Variants in MED12L observed in about 807,000 individuals in gnomAD.
MED12L encodes the protein mediator complex subunit 12L.
MED12L carries 60 observed loss-of-function variants against 281.3 expected under a neutral mutation model. The ratio of observed to expected loss-of-function variants is 0.21; its 90% confidence interval spans 0.17 to 0.26. MED12L has a LOEUF of 0.26. MED12L is among the 10% of genes least tolerant of loss of function. The probability of loss-of-function intolerance (pLI) is 1.00; values close to 1 mark genes in which losing one functional copy is unlikely to be tolerated. For missense variants in MED12L, 2,146 were observed against 2,680.9 expected, an observed-to-expected ratio of 0.80 and a Z score of 4.41; for synonymous variants, 974 against 987.2, an observed-to-expected ratio of 0.99 and a Z score of 0.25.
At chr3:151,334,802 C>G (rs552270808) in intron 16 of MED12L, among the ~76,000 whole-genome samples, 1 of 152,088 alleles carries the variant, frequency 6.6e-6, no homozygotes, top group Non-Finnish European at 1.5e-5. Context: ...ACCAGGTCCC[C>G]CAGTCTTCTT....
intron 39 of MED12L, among the ~76,000 whole-genome samples, chr3:151,400,523 G>GT (rs1288403656): frequency 6.6e-6 from 1 of 152,144 alleles, no homozygotes; most frequent in Non-Finnish European, 1.5e-5. Flanking sequence ...GTAGCGACTT[G>GT]TAAAGAGGTT....
chr3:151,244,915 A>C (rs1319708321), intron 16 of MED12L, among the ~76,000 whole-genome samples: 1 of 152,186 alleles, frequency 6.6e-6, no homozygotes, highest in Non-Finnish European at 1.5e-5. Flanking sequence ...TAATAGACCC[A>C]ATAAAAAATG....
At chr3:151,321,406 G>T (rs546655793) in intron 16 of MED12L, among the ~76,000 whole-genome samples, 19 of 152,124 alleles carry the variant, frequency 1.2e-4, no homozygotes, top group African/African-American at 4.6e-4. Context: ...GGCATTTTTG[G>T]ACTTAGGAAA....
At chr3:151,249,832 A>C (rs1227906791) in intron 16 of MED12L, among the ~76,000 whole-genome samples, 1 of 152,184 alleles carries the variant, frequency 6.6e-6, no homozygotes, top group Non-Finnish European at 1.5e-5. Flanking sequence ...GGATTAATAC[A>C]GTCATAATAC....
chr3:151,293,516 CT>C (rs1470485536), intron 16 of MED12L, among the ~76,000 whole-genome samples: 1 of 150,830 alleles, frequency 6.6e-6, no homozygotes, highest in Non-Finnish European at 1.5e-5. Context: ...TTCCTACTTG[CT>C]TTTGGAGCCC....
intron 16 of MED12L, among the ~76,000 whole-genome samples, chr3:151,310,726 C>T (rs770487022): frequency 2.0e-5 from 3 of 152,108 alleles, no homozygotes; most frequent in Non-Finnish European, 2.9e-5. Flanking sequence ...AATTTAAGTT[C>T]ATTTGAATTA....
At chr3:151,166,565 G>C (rs1389784204) in intron 11 of MED12L, among the ~76,000 whole-genome samples, 1 of 152,222 alleles carries the variant, frequency 6.6e-6, no homozygotes, top group Admixed American at 6.5e-5. Context: ...TATGGGGCTG[G>C]CAAATTTGAG....
At chr3:151,135,676 T>C (rs1369504844) in intron 5 of MED12L, among the ~76,000 whole-genome samples, 2 of 152,134 alleles carry the variant, frequency 1.3e-5, no homozygotes, top group Non-Finnish European at 2.9e-5. Context: ...CTGTGTGTGG[T>C]GTGGGTCTGG....
chr3:151,320,649 C>T (rs1457192892), intron 16 of MED12L, among the ~76,000 whole-genome samples: 1 of 152,136 alleles, frequency 6.6e-6, no homozygotes, highest in Non-Finnish European at 1.5e-5. Context: ...GGTATGAGAA[C>T]TTCATTTGAT....
chr3:151,176,323 G>C (rs1398245723), intron 11 of MED12L, among the ~76,000 whole-genome samples: 1 of 152,056 alleles, frequency 6.6e-6, no homozygotes, highest in African/African-American at 2.4e-5. Context: ...TGTTAATTTT[G>C]GTCCATATTT....
At chr3:151,259,132 G>T (rs146024839) in intron 16 of MED12L, among the ~76,000 whole-genome samples, 1 of 152,114 alleles carries the variant, frequency 6.6e-6, no homozygotes, top group Non-Finnish European at 1.5e-5. Context: ...GGACTGAAAG[G>T]TTCACCTAAG....
chr3:151,283,168 G>A (rs1458395729), intron 16 of MED12L, among the ~76,000 whole-genome samples: 1 of 152,186 alleles, frequency 6.6e-6, no homozygotes, highest in Non-Finnish European at 1.5e-5. Context: ...ATTAATAGGT[G>A]CAATTTGTAC....
chr3:151,294,802 C>G, intron 16 of MED12L: 2 of 1,614,040 alleles, frequency 1.2e-6, no homozygotes, highest in Non-Finnish European at 1.7e-6. Flanking sequence ...TCCGAGAGTC[C>G]CCAAATGGCT....
intron 25 of MED12L, among the ~76,000 whole-genome samples, chr3:151,369,022 A>C (rs547124354): frequency 5.9e-5 from 9 of 152,140 alleles, no homozygotes; most frequent in African/African-American, 2.2e-4. Context: ...CGGCCTCCCA[A>C]AGTGCTGGGA....
chr3:151,252,831 G>A (rs542678317), intron 16 of MED12L, among the ~76,000 whole-genome samples: 1 of 152,152 alleles, frequency 6.6e-6, no homozygotes, highest in South Asian at 2.1e-4. Context: ...TAAAATGTGT[G>A]TATTTTAACC....
At chr3:151,099,078 T>C (rs958538356) in intron 2 of MED12L, among the ~76,000 whole-genome samples, 15 of 152,124 alleles carry the variant, frequency 9.9e-5, no homozygotes, top group Non-Finnish European at 1.8e-4. Flanking sequence ...CGTGATTCAT[T>C]TATCTCCCAC....
intron 2 of MED12L, among the ~76,000 whole-genome samples, chr3:151,115,007 G>C (rs546687284): frequency 6.6e-6 from 1 of 152,260 alleles, no homozygotes; most frequent in East Asian, 1.9e-4. Context: ...CACTAGCTTA[G>C]TGAGGCACAC....
chr3:151,290,317 G>A (rs1411157654), intron 16 of MED12L, among the ~76,000 whole-genome samples: 1 of 137,004 alleles, frequency 7.3e-6, no homozygotes, highest in African/African-American at 2.9e-5. Flanking sequence ...AAAGAGATGT[G>A]TGTCTCTAAG....
intron 2 of MED12L, among the ~76,000 whole-genome samples, chr3:151,096,547 C>T (rs946473501): frequency 1.6e-4 from 24 of 152,070 alleles, no homozygotes; most frequent in African/African-American, 5.3e-4. Context: ...AGCTGAACAG[C>T]GGCCTCCTTT....
Sources: gnomAD v4.1 joint callset for allele counts (sites outside exome capture counted in the v4.1 genomes callset) on GRCh38, gnomAD v4.1.1 for gene constraint, MANE v1.5 for transcripts, NCBI Gene and HGNC (gene_info 2026-07-23, HGNC 2026-07-21) for gene names.